RNF10: variants seen among roughly 807,000 people sequenced by gnomAD.
The protein encoded by RNF10 is ring finger protein 10, also known as E3 ubiquitin-protein ligase RNF10.
A neutral mutation model predicts 91.4 loss-of-function variants in RNF10; 38 were observed. The ratio of observed to expected loss-of-function variants is 0.42; its 90% CI spans 0.32 to 0.54. The LOEUF is 0.54. Among genes scored for constraint, RNF10 ranks in the 20% least tolerant of loss-of-function variants. The probability of loss-of-function intolerance (pLI) is 0.16; values close to 1 mark genes in which losing one functional copy is unlikely to be tolerated. For synonymous variants in RNF10, 364 were observed against 366.3 expected, an observed-to-expected ratio of 0.99 and a Z score of 0.07; for missense variants, 945 against 1,012.0, an observed-to-expected ratio of 0.93 and a Z score of 0.90.
At position 120,534,946 on chromosome 12, in the gene RNF10, C is replaced by G. The variant is rs1234690074; in HGVS notation, c.135C>G (p.Ala45=). ...QPPRSASAGP[A]GESKPKSDGK... ...CCCGCTCCGCCTCGGCGGGGCCAGC[C>G]GGCGAGTCTAAACCCAAGAGCGGTA... is the stretch of plus-strand genomic sequence containing the variant. The change falls in exon 1 of 17, where the codon GCC becomes GCG. Residue 45 remains alanine (A), a synonymous_variant. Coordinates refer to ENST00000325954, the MANE Select transcript of RNF10 (RefSeq NM_014868.5). 1.2e-6 allele frequency: 2 copies of G among 1,601,476 alleles called. No individual in the cohort carries two copies. The highest frequency in any genetic ancestry group is 2.2e-5 in the East Asian group (1 of 44,706).
At chr12:120,544,087 C>T (rs1042445297) in intron 1 of RNF10, among the ~76,000 whole-genome samples, 7 of 151,474 alleles carry the variant, frequency 4.6e-5, no homozygotes, top group African/African-American at 1.5e-4. Context: ...ATTAGCCAGG[C>T]GTGGTGGCTC....
chr12:120,557,101 A>AG (rs1491135310), intron 4 of RNF10, among the ~76,000 whole-genome samples, 181 bp from the exon 5 acceptor site: 1 of 151,170 alleles, frequency 6.6e-6, no homozygotes, highest in East Asian at 1.9e-4. Context: ...AAAAAAAAAA[A>AG]GAAAAAAATG....
At chr12:120,545,268 C>T (rs1872143479) in intron 1 of RNF10, among the ~76,000 whole-genome samples, 1 of 152,086 alleles carries the variant, frequency 6.6e-6, no homozygotes, top group Admixed American at 6.6e-5. Flanking sequence ...GCAAGCTCTG[C>T]CTCCTGGGGT....
chr12:120,554,022 A>G (rs1565954681), intron 3 of RNF10: 1 of 149,254 alleles, frequency 6.7e-6, no homozygotes, highest in East Asian at 2.0e-4. Flanking sequence ...CTCCTGCCTT[A>G]GCCTCCTAAG....
chr12:120,544,520 G>C (rs552576895), intron 1 of RNF10, among the ~76,000 whole-genome samples: 2 of 152,144 alleles, frequency 1.3e-5, no homozygotes, highest in South Asian at 4.1e-4. Flanking sequence ...AGCTGGACAT[G>C]GTGGTGAGTG....
chr12:120,546,068 G>A lies in RNF10; in HGVS notation c.158-337G>A, dbSNP rs116720495. 8.6e-3 allele frequency among the ~76,000 whole-genome samples: 1,313 copies of A among 152,310 alleles called. 13 individuals carry two copies. The highest frequency in any genetic ancestry group is 0.03 in the African/African-American group (1,249 of 41,544). ...AAAATACTTTTCCTTAATACAGAATGCCTGTTTCATTTCCTGTAACTTTAT... is the reference window on the plus strand; with the variant it reads ...AAAATACTTTTCCTTAATACAGAATACCTGTTTCATTTCCTGTAACTTTAT... On this transcript the variant is annotated intron_variant, in intron 1 of 16. Coordinates refer to ENST00000325954, the MANE Select transcript of RNF10 (RefSeq NM_014868.5).
chr12:120,575,201 A>C, intron 14 of RNF10: 1 of 171,838 alleles, frequency 5.8e-6, no homozygotes, highest in Non-Finnish European at 1.3e-5. Flanking sequence ...GTGCCATTGC[A>C]CGCCAGCCTG....
intron 10 of RNF10, among the ~76,000 whole-genome samples, chr12:120,564,844 A>G (rs1875436287): frequency 6.6e-6 from 1 of 152,158 alleles, no homozygotes; most frequent in Middle Eastern, 3.4e-3. Flanking sequence ...GACTCAGTTC[A>G]CTCCTTTGCA....
At chr12:120,541,670 G>A (rs868361131) in intron 1 of RNF10, among the ~76,000 whole-genome samples, 5 of 151,224 alleles carry the variant, frequency 3.3e-5, no homozygotes, top group South Asian at 2.1e-4. Context: ...TCCTGACTTC[G>A]TGATCCACCT....
chr12:120,537,838 G>A (rs1482691297), intron 1 of RNF10, among the ~76,000 whole-genome samples: 1 of 152,062 alleles, frequency 6.6e-6, no homozygotes, highest in Non-Finnish European at 1.5e-5. Context: ...TCCACTGCTT[G>A]CATTTAGGAA....
intron 1 of RNF10, among the ~76,000 whole-genome samples, chr12:120,543,309 G>A (rs1327256011): frequency 2.0e-5 from 3 of 152,284 alleles, no homozygotes; most frequent in South Asian, 2.1e-4. Context: ...AAGCTCATCT[G>A]TGTGATTCCT....
At position 120,563,361 on chromosome 12, in the gene RNF10, T is replaced by C. The variant is rs539846492; in HGVS notation, c.1269T>C (p.Tyr423=). The C allele has an allele frequency of 2.6e-5, 42 of 1,611,814 alleles. No homozygotes were observed. The highest frequency in any genetic ancestry group is 3.2e-5 in the Non-Finnish European group (38 of 1,179,490). Residue 423 remains tyrosine, a synonymous_variant, in exon 9 of 17, where the codon TAT becomes TAC. Coordinates refer to ENST00000325954, the MANE Select transcript of RNF10 (RefSeq NM_014868.5). ...VFQPRKGVLE[Y]LSAFDEETTE... Reference sequence around the variant, plus strand: ...TGCTGCAACAGGGTGTGCTGGAGTATCTGTCTGCCTTCGATGAAGAAACCA... The same window carrying C: ...TGCTGCAACAGGGTGTGCTGGAGTACCTGTCTGCCTTCGATGAAGAAACCA...
Position 120,575,822 on chromosome 12 carries a change from T to A in RNF10, c.2231T>A (p.Val744Glu). 6.2e-7 allele frequency: 1 copy of A among 1,614,200 alleles called. No homozygotes were observed. The highest frequency in any genetic ancestry group is 1.7e-5 in the Admixed American group (1 of 60,018). The change falls in exon 16 of 17, where the codon GTG (valine) becomes GAG (glutamate). Residue 744 changes from valine to glutamate, a missense_variant. By Grantham distance (121) the Val-to-Glu change is moderately radical (BLOSUM62 -2). Coordinates refer to ENST00000325954, the MANE Select transcript of RNF10 (RefSeq NM_014868.5). ...AACAGCTTAGTTCCTCCTGCCCCTG[T>A]GGACAGCGACGGGGAGAGTGATAAT... Reference protein sequence around the residue: ...DENSLVPPAPVDSDGESDNSD... With the variant: ...DENSLVPPAPEDSDGESDNSD...
rs980446280 is a variant in RNF10 at position 120,552,666 on chromosome 12, G to A, written c.522G>A (p.Lys174=). The A allele has an allele frequency of 6.2e-7, 1 of 1,614,084 alleles. No individual in the cohort carries two copies. Among genetic ancestry groups the A allele is most frequent in the South Asian group, 1.1e-5 (1 of 91,076 alleles). The change falls in exon 3 of 17, where the codon AAG becomes AAA. Residue 174 remains lysine (K), a synonymous_variant. Transcript: ENST00000325954. The part of the protein sequence containing the change: ...SWGKRNKWGH[K]PFNKELFLQA... Reference sequence around the variant, plus strand: ...GAAAGAGGAACAAGTGGGGACATAAGCCTTTTAACAAGGAACTCTTTTTAC... The same window carrying A: ...GAAAGAGGAACAAGTGGGGACATAAACCTTTTAACAAGGAACTCTTTTTAC...
chr12:120,545,203 C>T (rs1298147950), intron 1 of RNF10, among the ~76,000 whole-genome samples: 2 of 152,148 alleles, frequency 1.3e-5, no homozygotes, highest in African/African-American at 2.4e-5. Flanking sequence ...TTTTTTGAGA[C>T]GGAGTCTCGC....
At position 120,557,442 on chromosome 12, in the gene RNF10, C is replaced by G. The variant is rs1329528762; in HGVS notation, c.806C>G (p.Ser269Cys). Residue 269 changes from serine to cysteine, a missense_variant, in exon 5 of 17, where the codon TCT becomes TGT. Transcript: ENST00000325954. The part of the protein sequence containing the change: ...TWSKCPICYS[S>C]VHKKDLKSVV... The stretch of plus-strand genomic sequence containing the variant: ...AGTAAATGTCCCATCTGTTACAGTT[C>G]TGTGCATAAGAAGGATCTCAAGAGG... The G allele has an allele frequency of 2.5e-6, 4 of 1,614,028 alleles. No individual in the cohort carries two copies. Among genetic ancestry groups the G allele is most frequent in the Non-Finnish European group, 3.4e-6 (4 of 1,180,022 alleles).
At chr12:120,539,368 A>C (rs1327724017) in intron 1 of RNF10, 3 of 1,280,646 alleles carry the variant, frequency 2.3e-6, no homozygotes, top group Non-Finnish European at 2.0e-6. Flanking sequence ...TTTCATTCAG[A>C]ATTACTAATT....
Position 120,554,733 on chromosome 12 carries a change from G to A in RNF10, c.570G>A (p.Val190=), listed in dbSNP as rs201585715. The change falls in exon 4 of 17, where the codon GTG becomes GTA. Residue 190 remains valine, a synonymous_variant. Coordinates refer to ENST00000325954, the MANE Select transcript of RNF10 (RefSeq NM_014868.5). The part of the protein sequence containing the change: ...LFLQANCQFV[V]SEDQDYTAHF... ...CTATTTCTAGCTGCCAATTTGTGGT[G>A]TCTGAAGACCAAGACTACACAGCTC... 3.7e-6 allele frequency: 6 copies of A among 1,613,906 alleles called. No homozygotes were observed. The East Asian group carries it at 1.1e-4, about 30-fold the overall frequency.
At chr12:120,544,709 G>A (rs1428919086) in intron 1 of RNF10, among the ~76,000 whole-genome samples, 1 of 152,088 alleles carries the variant, frequency 6.6e-6, no homozygotes, top group Non-Finnish European at 1.5e-5. Flanking sequence ...TAAATAAATC[G>A]GTGTAACGGT....
Sources: allele counts gnomAD v4.1 joint callset (sites outside exome capture counted in the v4.1 genomes callset), GRCh38; gene constraint gnomAD v4.1.1; transcripts MANE v1.5; gene names NCBI Gene and HGNC (gene_info 2026-07-23, HGNC 2026-07-21).